The following STS variants were observed in gnomAD, a reference collection of about 807,000 sequenced individuals.
STS encodes steroid sulfatase.
A neutral mutation model predicts 26.8 loss-of-function variants in STS; 7 were observed. That is an observed-to-expected ratio of 0.26 (90% CI 0.15 to 0.49). The LOEUF (loss-of-function observed/expected upper bound fraction) is 0.49. Ranked by LOEUF, STS falls within the 20% of genes least tolerant of loss-of-function variation. The pLI is 0.98. For missense variants in STS, 434 were observed against 465.6 expected, an observed-to-expected ratio of 0.93 and a Z score of 0.63; for synonymous variants, 199 against 189.4, an observed-to-expected ratio of 1.05 and a Z score of -0.42.
At chrX:7,341,792 C>CT (rs1210597139) in intron 10 of STS, among the ~76,000 whole-genome samples, 15 of 104,765 alleles carry the variant, frequency 1.4e-4, no homozygotes, top group South Asian at 4.2e-4. Flanking sequence ...ACCATCATCT[C>CT]TTTTTTTTTT....
chrX:7,224,177 C>A (rs1048467197), intron 2 of STS, among the ~76,000 whole-genome samples: 2 of 111,491 alleles, frequency 1.8e-5, no homozygotes, highest in Non-Finnish European at 3.8e-5. Context: ...GCTCTCAGTT[C>A]TTCAATGAGA....
At chrX:7,237,213 CAAAAAAA>C (rs59873673) in intron 2 of STS, among the ~76,000 whole-genome samples, 1 of 78,263 alleles carries the variant, frequency 1.3e-5, no homozygotes, top group African/African-American at 4.6e-5. Context: ...AAGATTTGCT[CAAAAAAA>C]AAAAAAAAGA....
At chrX:7,227,789 G>T (rs905932298) in intron 2 of STS, among the ~76,000 whole-genome samples, 10 of 111,733 alleles carry the variant, frequency 8.9e-5, no homozygotes, top group African/African-American at 3.3e-4. Flanking sequence ...GTCGACTGCT[G>T]ATACAATGTT....
At chrX:7,261,098 T>C (rs1467519896) in intron 6 of STS, among the ~76,000 whole-genome samples, 2 of 111,720 alleles carry the variant, frequency 1.8e-5, no homozygotes, top group Non-Finnish European at 3.8e-5. Context: ...AAACACTTGC[T>C]ATTCAAAACA....
At chrX:7,152,046 G>A (rs1309122086) in intron 1 of STS, among the ~76,000 whole-genome samples, 3 of 110,959 alleles carry the variant, frequency 2.7e-5, no homozygotes, top group Non-Finnish European at 5.7e-5. Context: ...TCCGCCTCTC[G>A]GGTTCACGCC....
At chrX:7,311,811 C>T (rs1448917391) in intron 8 of STS, among the ~76,000 whole-genome samples, 1 of 112,282 alleles carries the variant, frequency 8.9e-6, no homozygotes. Flanking sequence ...GATTGCACCA[C>T]TGCACTCCAG....
At position 7,190,860 on chromosome X, in the gene STS, T is replaced by C; in HGVS notation, c.-133-20T>C. On this transcript the variant is annotated intron_variant, in intron 1 of 10. Coordinates refer to ENST00000674429, the MANE Select transcript of STS (RefSeq NM_001320752.2). ...TGATTACCCAGCGTGTGATTATTCATCTTTTGAATGAATTCACAGGAAGAG... is the reference window on the plus strand; with the variant it reads ...TGATTACCCAGCGTGTGATTATTCACCTTTTGAATGAATTCACAGGAAGAG... 1 of 196,328 alleles carries C rather than the reference T, an allele frequency of 5.1e-6. No homozygotes were observed. The highest frequency in any genetic ancestry group is 7.7e-6 in the Non-Finnish European group (1 of 129,194). 16.2% of individuals were successfully genotyped at this position (196,328 alleles called of 1,213,427 possible). A position where few individuals can be genotyped will look rare whatever the true frequency, so the allele number is the denominator to read the frequency against.
At position 7,350,058 on chromosome X, in the gene STS, C is replaced by T. The variant is rs1456154048; in HGVS notation, c.1534C>T (p.Pro512Ser). The change falls in exon 11 of 11, where the codon CCA becomes TCA. Residue 512 changes from proline (P) to serine (S), a missense_variant. Pro to Ser is a moderately conservative substitution (Grantham distance 74, BLOSUM62 -1). Around this residue, in one of 2 missense-constraint regions of STS, gnomAD observed 205 missense variants for 177.3 expected, o/e 1.16. Transcript: ENST00000674429. ...TCCCAGAGAGAGAAACCCACTAACT[C>T]CAGCATCCGAGCCCCGGTTTTATGA... The part of the protein sequence containing the change: ...KDPRERNPLT[P>S]ASEPRFYEIL... 4 of 1,210,325 alleles carry T rather than the reference C, an allele frequency of 3.3e-6. No homozygotes were observed. The highest frequency in any genetic ancestry group is 2.2e-5 in the Admixed American group (1 of 45,825).
intron 10 of STS, among the ~76,000 whole-genome samples, chrX:7,347,583 A>G (rs1306825224): frequency 9.0e-6 from 1 of 111,521 alleles, no homozygotes; most frequent in Non-Finnish European, 1.9e-5. Flanking sequence ...TGACAGGATC[A>G]TTTGAGTGGC....
rs1427528620 is a variant in STS at position 7,351,166 on chromosome X, G to A, written c.*905G>A. On this transcript the variant is annotated 3_prime_UTR_variant, in exon 11 of 11. Coordinates refer to ENST00000674429, the MANE Select transcript of STS (RefSeq NM_001320752.2). ...GGAAGTTCTGAATTAAAAGCCCACT[G>A]TGGAGATGCTGTGGTTCATGGAATC... 2.7e-5 allele frequency: 3 copies of A among 112,178 alleles called. No individual in the cohort carries two copies. The highest frequency in any genetic ancestry group is 9.5e-5 in the Admixed American group (1 of 10,567). 9.2% of individuals were successfully genotyped at this position (112,178 alleles called of 1,213,427 possible).
chrX:7,215,052 C>T (rs1289923011), intron 2 of STS, among the ~76,000 whole-genome samples: 5 of 72,962 alleles, frequency 6.9e-5, no homozygotes, highest in Admixed American at 1.8e-4. Context: ...CATATATATA[C>T]GTATATATGT....
At chrX:7,276,468 C>T (rs899646280) in intron 7 of STS, among the ~76,000 whole-genome samples, 6 of 110,841 alleles carry the variant, frequency 5.4e-5, no homozygotes, top group Admixed American at 1.9e-4. Context: ...GACCTTGTCT[C>T]TTAAAAAAAA....
At position 7,354,628 on chromosome X, in the gene STS, T is replaced by G. The variant is rs1448802471; in HGVS notation, c.*4367T>G. 9.0e-6 allele frequency: 1 copy of G among 111,660 alleles called. No individual in the cohort carries two copies. The highest frequency in any genetic ancestry group is 1.9e-5 in the Non-Finnish European group (1 of 53,196). 9.2% of individuals were successfully genotyped at this position (111,660 alleles called of 1,213,427 possible). ...TGTGTAATAGATCTGAATAAAGTAA[T>G]TGTAATACACCAATATTTTACTTTG... On this transcript the variant is annotated 3_prime_UTR_variant, in exon 11 of 11. Coordinates refer to ENST00000674429, the MANE Select transcript of STS (RefSeq NM_001320752.2).
chrX:7,335,755 G>A (rs1317532136), intron 10 of STS, among the ~76,000 whole-genome samples: 12 of 112,224 alleles, frequency 1.1e-4, no homozygotes, highest in East Asian at 2.8e-4. Flanking sequence ...TACCATTTAA[G>A]TCTTTAATCC....
chrX:7,246,424 C>T (rs1205537334), intron 2 of STS, among the ~76,000 whole-genome samples: 1 of 109,976 alleles, frequency 9.1e-6, no homozygotes, highest in Non-Finnish European at 1.9e-5. Flanking sequence ...GCCTCAGCCT[C>T]CCGAGTAGCT....
At chrX:7,240,803 A>G (rs1054338604) in intron 2 of STS, among the ~76,000 whole-genome samples, 12 of 108,847 alleles carry the variant, frequency 1.1e-4, no homozygotes, top group African/African-American at 4.0e-4. Flanking sequence ...GCTAGTCTGG[A>G]CCAGCTTCCT....
chrX:7,152,043 C>T (rs1933024789), intron 1 of STS, among the ~76,000 whole-genome samples: 1 of 111,135 alleles, frequency 9.0e-6, no homozygotes, highest in Admixed American at 9.5e-5. Flanking sequence ...AGCTCCGCCT[C>T]TCGGGTTCAC....
intron 2 of STS, among the ~76,000 whole-genome samples, chrX:7,216,890 G>A (rs1393774564): frequency 1.8e-5 from 2 of 111,747 alleles, no homozygotes; most frequent in South Asian, 7.6e-4. Flanking sequence ...AGGTGTGGGA[G>A]GATGTTAAGG....
At chrX:7,243,936 G>A (rs1601680794) in intron 2 of STS, among the ~76,000 whole-genome samples, 1 of 111,602 alleles carries the variant, frequency 9.0e-6, no homozygotes, top group African/African-American at 3.3e-5. Flanking sequence ...AGCTGAGGTG[G>A]CAGGCACCTG....
Sources: allele counts gnomAD v4.1 joint callset (sites outside exome capture counted in the v4.1 genomes callset), GRCh38; gene constraint gnomAD v4.1.1; regional missense constraint gnomAD v4.1.1; transcripts MANE v1.5; gene names NCBI Gene and HGNC (gene_info 2026-07-23, HGNC 2026-07-21).